Variants in CALN1 observed in about 807,000 individuals in gnomAD.
CALN1 encodes the protein calneuron 1, also known as calcium-binding protein 8.
A neutral mutation model predicts 30.6 loss-of-function variants in CALN1; 17 were observed. The observed-to-expected ratio is 0.56, with a 90% CI of 0.38 to 0.83. CALN1 has a LOEUF of 0.83. Ranked by LOEUF, CALN1 falls within the 40% of genes least tolerant of loss-of-function variation. The pLI is 0.00. For synonymous variants in CALN1, 156 were observed against 131.4 expected (o/e 1.19, Z -1.28); for missense variants, 291 against 354.9 (o/e 0.82, Z 1.45).
chr7:72,487,713 A>AAAAGAAAAGAAAAGAAAGAAAG, the CALN1 span, among the ~76,000 whole-genome samples: 1 of 68,664 alleles, frequency 1.5e-5, no homozygotes, highest in Non-Finnish European at 2.5e-5. Context: ...AAAAGAAAAG[A>AAAAGAAAAGAAAAGAAAGAAAG]AAAGAAAGAA....
chr7:72,316,091 C>T (rs1432228448), intron 2 of CALN1, among the ~76,000 whole-genome samples: 2 of 151,538 alleles, frequency 1.3e-5, no homozygotes, highest in African/African-American at 4.9e-5. Flanking sequence ...GTGGAGTTTG[C>T]AGTGAGCTGA....
intron 3 of CALN1, 99 bp downstream of exon 3, chr7:72,278,587 G>A: frequency 6.6e-7 from 1 of 1,520,108 alleles, no homozygotes; most frequent in South Asian, 1.2e-5. Flanking sequence ...CAACTGCCAA[G>A]GAGTGGCCAA....
chr7:71,844,407 A>C (rs1450755152), intron 5 of CALN1, among the ~76,000 whole-genome samples: 6 of 152,246 alleles, frequency 3.9e-5, no homozygotes, highest in African/African-American at 1.4e-4. Context: ...GAAAAACAAC[A>C]GCTTTATGCA....
At chr7:72,084,442 T>C (rs1805351721) in intron 4 of CALN1, among the ~76,000 whole-genome samples, 1 of 151,152 alleles carries the variant, frequency 6.6e-6, no homozygotes, top group Non-Finnish European at 1.5e-5. Context: ...CACTGCAACC[T>C]GCGCCTCCCG....
chr7:72,499,783 T>C, the CALN1 span, among the ~76,000 whole-genome samples: 1 of 41,140 alleles, frequency 2.4e-5, no homozygotes, highest in South Asian at 1.1e-3. Flanking sequence ...CTTTCCTTCC[T>C]TCCTTCCTTC....
At chr7:72,344,664 A>G (rs996964842) in intron 2 of CALN1, among the ~76,000 whole-genome samples, 5 of 146,822 alleles carry the variant, frequency 3.4e-5, no homozygotes, top group Non-Finnish European at 7.5e-5. Context: ...TTATATAAAT[A>G]TATATTTTAT....
At chr7:72,408,017 T>C (rs1334873125) in intron 1 of CALN1, among the ~76,000 whole-genome samples, 4 of 152,212 alleles carry the variant, frequency 2.6e-5, no homozygotes, top group Non-Finnish European at 5.9e-5. Context: ...GGTATGCAAA[T>C]ATGCACTGTA....
intron 3 of CALN1, among the ~76,000 whole-genome samples, chr7:72,214,967 T>G (rs993924969): frequency 6.6e-6 from 1 of 150,490 alleles, no homozygotes; most frequent in Non-Finnish European, 1.5e-5. Flanking sequence ...AGCTCAGGGC[T>G]CCCACTGATT....
At chr7:71,938,094 G>A (rs1795940025) in intron 5 of CALN1, among the ~76,000 whole-genome samples, 1 of 152,184 alleles carries the variant, frequency 6.6e-6, no homozygotes, top group Non-Finnish European at 1.5e-5. Flanking sequence ...GTTCCCAAGA[G>A]TATCAGAGAG....
chr7:72,272,570 A>G (rs1264491181), intron 3 of CALN1, among the ~76,000 whole-genome samples: 3 of 152,132 alleles, frequency 2.0e-5, no homozygotes, highest in Non-Finnish European at 1.5e-5. Context: ...TCCACGAAAA[A>G]AAAGAAAGAA....
At chr7:72,209,390 T>TTCCTTCCC (rs1554321666) in intron 3 of CALN1, among the ~76,000 whole-genome samples, 1 of 4,482 alleles carries the variant, frequency 2.2e-4, no homozygotes, top group Non-Finnish European at 3.2e-4. Flanking sequence ...CCTTCCCTCT[T>TTCCTTCCC]TCCTTCCCTC....
intron 3 of CALN1, among the ~76,000 whole-genome samples, chr7:72,145,059 G>T (rs1305990465): frequency 6.6e-6 from 1 of 152,170 alleles, no homozygotes; most frequent in African/African-American, 2.4e-5. Flanking sequence ...ACAATTAAAA[G>T]AACTAGAGAA....
At chr7:71,963,779 C>A (rs1262816853) in intron 5 of CALN1, among the ~76,000 whole-genome samples, 2 of 152,238 alleles carry the variant, frequency 1.3e-5, no homozygotes, top group Middle Eastern at 6.8e-3. Context: ...AAATGCTACA[C>A]GTACATTAAC....
intron 4 of CALN1, among the ~76,000 whole-genome samples, chr7:72,073,425 T>C (rs1444480011): frequency 6.6e-6 from 1 of 152,174 alleles, no homozygotes; most frequent in Non-Finnish European, 1.5e-5. Flanking sequence ...TTTTACACAA[T>C]AAACAAATGG....
At chr7:71,995,429 C>T (rs1034352011) in intron 5 of CALN1, among the ~76,000 whole-genome samples, 1 of 152,194 alleles carries the variant, frequency 6.6e-6, no homozygotes, top group African/African-American at 2.4e-5. Context: ...GGAAACCTTG[C>T]TGAGAATTCC....
At chr7:71,887,900 A>G (rs1291721563) in intron 5 of CALN1, among the ~76,000 whole-genome samples, 3 of 152,112 alleles carry the variant, frequency 2.0e-5, no homozygotes, top group African/African-American at 7.2e-5. Flanking sequence ...GTTGCAATAA[A>G]TGATGGCGGC....
At chr7:71,795,657 G>A (rs2115963828) in intron 6 of CALN1, among the ~76,000 whole-genome samples, 1 of 152,062 alleles carries the variant, frequency 6.6e-6, no homozygotes, top group South Asian at 2.1e-4. Flanking sequence ...GCAGCCCCAG[G>A]CAAACACTAA....
At chr7:72,331,274 C>T (rs1188235753) in intron 2 of CALN1, among the ~76,000 whole-genome samples, 1 of 152,026 alleles carries the variant, frequency 6.6e-6, no homozygotes, top group Non-Finnish European at 1.5e-5. Context: ...CGCTTGAACC[C>T]AGGAGGCAGA....
chr7:72,220,601 C>G (rs1399277832), intron 3 of CALN1, among the ~76,000 whole-genome samples: 36 of 151,022 alleles, frequency 2.4e-4, no homozygotes, highest in Admixed American at 4.6e-4. Flanking sequence ...AGTTCTAGAT[C>G]CCTGAGGAAT....
Sources: allele counts gnomAD v4.1 joint callset (sites outside exome capture counted in the v4.1 genomes callset), GRCh38; gene constraint gnomAD v4.1.1; transcripts MANE v1.5; gene names NCBI Gene and HGNC (gene_info 2026-07-23, HGNC 2026-07-21).